SORCS1: variants seen among roughly 807,000 people sequenced by gnomAD.
SORCS1 encodes the protein sortilin related VPS10 domain containing receptor 1, also known as VPS10 domain-containing receptor SorCS1.
A neutral mutation model predicts 146.1 loss-of-function variants in SORCS1; 60 were observed. The observed-to-expected ratio is 0.41, with a 90% CI of 0.33 to 0.51. The LOEUF is 0.51. Ranked by LOEUF, SORCS1 falls within the 20% of genes least tolerant of loss-of-function variation. The pLI is 0.21. For missense variants in SORCS1, 1,352 were observed against 1,487.6 expected (o/e 0.91, Z 1.50); for synonymous variants, 637 against 584.0 (o/e 1.09, Z -1.31).
chr10:106,703,667 A>G (rs945289976), intron 8 of SORCS1, among the ~76,000 whole-genome samples: 4 of 152,190 alleles, frequency 2.6e-5, no homozygotes, highest in African/African-American at 9.7e-5. Flanking sequence ...ATTGAGCATA[A>G]AAGTGCTGGT....
intron 1 of SORCS1, among the ~76,000 whole-genome samples, chr10:107,072,399 T>C (rs1055327146): frequency 6.6e-6 from 1 of 152,202 alleles, no homozygotes; most frequent in African/African-American, 2.4e-5. Context: ...AGTTTTCATC[T>C]GCATAATAGA....
chr10:107,073,991 C>T (rs1962666307), intron 1 of SORCS1, among the ~76,000 whole-genome samples: 1 of 152,084 alleles, frequency 6.6e-6, no homozygotes, highest in Non-Finnish European at 1.5e-5. Context: ...TTATCAATAT[C>T]TCACACCAGA....
At chr10:106,842,804 G>A (rs914839195) in intron 2 of SORCS1, among the ~76,000 whole-genome samples, 4 of 151,018 alleles carry the variant, frequency 2.6e-5, no homozygotes, top group Non-Finnish European at 4.4e-5. Flanking sequence ...GTAGAGATGG[G>A]GTTTCACCAT....
intron 4 of SORCS1, among the ~76,000 whole-genome samples, chr10:106,766,077 G>A: frequency 6.6e-6 from 1 of 152,176 alleles, no homozygotes; most frequent in East Asian, 1.9e-4. Context: ...CCCCGGTCAA[G>A]GGGTAGTTTC....
the SORCS1 span, among the ~76,000 whole-genome samples, chr10:107,179,196 G>T: frequency 6.4e-4 from 97 of 152,210 alleles, 1 homozygote; most frequent in African/African-American, 2.2e-3. Flanking sequence ...GCTTTGACTT[G>T]CATTTCCCTG....
At chr10:106,730,428 G>A (rs1333023199) in intron 5 of SORCS1, among the ~76,000 whole-genome samples, 1 of 152,194 alleles carries the variant, frequency 6.6e-6, no homozygotes, top group Non-Finnish European at 1.5e-5. Context: ...CAGTGACAGT[G>A]TATTAAACTT....
At chr10:106,638,469 C>T (rs1241121814) in intron 18 of SORCS1, among the ~76,000 whole-genome samples, 5 of 152,108 alleles carry the variant, frequency 3.3e-5, no homozygotes, top group East Asian at 1.9e-4. Flanking sequence ...ATTAAAATCA[C>T]CCATAATTAT....
intron 2 of SORCS1, among the ~76,000 whole-genome samples, chr10:106,850,432 C>T (rs982633184): frequency 4.6e-5 from 7 of 152,088 alleles, no homozygotes; most frequent in Admixed American, 2.6e-4. Context: ...CAATGCCTCG[C>T]CCTGCTTCGG....
chr10:107,051,172 G>A (rs1415288498), intron 1 of SORCS1, among the ~76,000 whole-genome samples: 1 of 152,122 alleles, frequency 6.6e-6, no homozygotes, highest in East Asian at 1.9e-4. Context: ...CAGCACACAA[G>A]TAAATAGAAA....
chr10:107,128,543 A>C (rs2134609462), intron 1 of SORCS1, among the ~76,000 whole-genome samples: 1 of 152,346 alleles, frequency 6.6e-6, no homozygotes, highest in Admixed American at 6.5e-5. Flanking sequence ...AATGGAAGTA[A>C]CAACAGTACT....
intron 10 of SORCS1, 31 bp downstream of exon 10, chr10:106,688,161 T>C (rs1564858901): frequency 6.2e-7 from 1 of 1,607,876 alleles, no homozygotes; most frequent in Non-Finnish European, 8.5e-7. Context: ...CTCTACTGTG[T>C]GAGGCATTCT....
At chr10:107,122,238 G>C (rs572191650) in intron 1 of SORCS1, among the ~76,000 whole-genome samples, 8 of 152,332 alleles carry the variant, frequency 5.3e-5, no homozygotes, top group African/African-American at 1.7e-4. Flanking sequence ...TGCCATTCCT[G>C]ACCTTGGTCA....
intron 1 of SORCS1, among the ~76,000 whole-genome samples, chr10:107,160,157 C>T (rs1363157255): frequency 6.6e-6 from 1 of 152,182 alleles, no homozygotes; most frequent in South Asian, 2.1e-4. Flanking sequence ...GCTAAGAGTA[C>T]GTCCTCCTCC....
intron 1 of SORCS1, among the ~76,000 whole-genome samples, chr10:107,067,824 T>C (rs1216915764): frequency 2.6e-5 from 4 of 152,164 alleles, no homozygotes; most frequent in South Asian, 2.1e-4. Flanking sequence ...CTCACGTGAA[T>C]TGTTGTGAGG....
At chr10:106,939,554 T>C (rs1953926726) in intron 2 of SORCS1, among the ~76,000 whole-genome samples, 1 of 152,220 alleles carries the variant, frequency 6.6e-6, no homozygotes, top group African/African-American at 2.4e-5. Flanking sequence ...CTTTCAGGAA[T>C]TGATTGCATC....
intron 8 of SORCS1, among the ~76,000 whole-genome samples, chr10:106,704,187 C>T (rs187501861): frequency 1.6e-3 from 249 of 152,230 alleles, no homozygotes; most frequent in African/African-American, 5.5e-3. Context: ...TCTGGGGCTC[C>T]TTAAGTCAAT....
intron 1 of SORCS1, among the ~76,000 whole-genome samples, chr10:106,983,712 G>A (rs969446842): frequency 3.3e-5 from 5 of 152,092 alleles, no homozygotes; most frequent in Admixed American, 1.3e-4. Flanking sequence ...GTGTTCCCTG[G>A]TAAAGATTTA....
At chr10:106,690,535 C>T (rs1396447625) in intron 9 of SORCS1, among the ~76,000 whole-genome samples, 1 of 152,176 alleles carries the variant, frequency 6.6e-6, no homozygotes, top group African/African-American at 2.4e-5. Context: ...ACTTTATTGG[C>T]CCCCGACTGC....
intron 2 of SORCS1, among the ~76,000 whole-genome samples, chr10:106,902,540 A>C (rs928042257): frequency 6.6e-6 from 1 of 152,256 alleles, no homozygotes; most frequent in African/African-American, 2.4e-5. Context: ...TGCACGGCTT[A>C]TAATTTCATA....
Sources: gnomAD v4.1 joint callset for allele counts (sites outside exome capture counted in the v4.1 genomes callset) on GRCh38, gnomAD v4.1.1 for gene constraint, MANE v1.5 for transcripts, NCBI Gene and HGNC (gene_info 2026-07-23, HGNC 2026-07-21) for gene names.